ATCAY: variants seen among roughly 807,000 people sequenced by gnomAD.
ATCAY encodes ATCAY kinesin light chain interacting caytaxin.
ATCAY carries 22 observed loss-of-function variants against 47.7 expected under a neutral mutation model. The ratio of observed to expected loss-of-function variants is 0.46; its 90% CI spans 0.33 to 0.66. The LOEUF is 0.66. Ranked by LOEUF, ATCAY falls within the 30% of genes least tolerant of loss-of-function variation. The pLI is 0.02. For synonymous variants in ATCAY, 216 were observed against 207.6 expected, an observed-to-expected ratio of 1.04 and a Z score of -0.35; for missense variants, 452 against 515.0, an observed-to-expected ratio of 0.88 and a Z score of 1.18.
At chr19:3,902,436 C>T in intron 2 of ATCAY, 51 bp from the exon 3 acceptor site, 1 of 1,540,690 alleles carries the variant, frequency 6.5e-7, no homozygotes, top group Non-Finnish European at 8.8e-7. Flanking sequence ...TGTCCTCTGC[C>T]TGAATCTCTG....
At chr19:3,911,131 C>G (rs1201465633) in intron 8 of ATCAY, among the ~76,000 whole-genome samples, 2 of 152,184 alleles carry the variant, frequency 1.3e-5, no homozygotes, top group Non-Finnish European at 2.9e-5. Flanking sequence ...GTAATCCCAG[C>G]TACTCAGAAG....
rs117870665 is a variant in ATCAY, at chr19:3,923,650, T to C, written c.1107-933T>C. On this transcript the variant is annotated intron_variant, in intron 12 of 12. Transcript: ENST00000450849. ...GTGGAGGGATGGAAAGATGGACTGA[T>C]GGAGAGATGGATGGGTAGGCATATG... Among the ~76,000 whole-genome samples, 425 of 150,082 alleles carry C rather than the reference T, an allele frequency of 2.8e-3. 6 individuals are homozygous for C. In the East Asian group the frequency reaches 0.039, roughly 14 times the overall value.
chr19:3,925,387 T>TC lies in ATCAY; in HGVS notation c.*800dup, dbSNP rs1241966174. On this transcript the variant is annotated 3_prime_UTR_variant, in exon 13 of 13. Coordinates refer to ENST00000450849, the MANE Select transcript of ATCAY (RefSeq NM_033064.5). The surrounding 1 kb of genome is among the most constrained non-coding windows in gnomAD (Gnocchi z 4.4). ...GAATGAGATATGTGGACCTCACTGC[T>TC]CCCCCAACCCAGCGTCAGGCTGGGA... The TC allele has an allele frequency of 6.6e-6, 1 of 152,020 alleles. No individual in the cohort carries two copies. Among genetic ancestry groups the TC allele is most frequent in the African/African-American group, 2.4e-5 (1 of 41,382 alleles). The allele number at this position is 152,020 out of a possible 1,614,324, so 9.4% of individuals were successfully genotyped here.
rs549284827 is a variant in ATCAY, at chr19:3,905,293, G to A, written c.137-141G>A. ...TGTCGGTTTAATTCTGCCCACCCCCGCCAATGGCATGGATACAGAAGGGAG... is the reference window on the plus strand; with the variant it reads ...TGTCGGTTTAATTCTGCCCACCCCCACCAATGGCATGGATACAGAAGGGAG... On this transcript the variant is annotated intron_variant, in intron 3 of 12. Transcript: ENST00000450849. 2.5e-5 allele frequency: 19 copies of A among 775,406 alleles called. 1 individual carries two copies. Among genetic ancestry groups the A allele is most frequent in the Non-Finnish European group, 3.4e-5 (17 of 499,878 alleles). 48.0% of individuals were successfully genotyped at this position (775,406 alleles called of 1,614,324 possible).
intron 1 of ATCAY, among the ~76,000 whole-genome samples, chr19:3,882,738 G>A (rs2038613012): frequency 1.3e-5 from 2 of 151,798 alleles, no homozygotes; most frequent in South Asian, 4.2e-4. Flanking sequence ...CCACCTCCTG[G>A]GCTCAGGCAA....
chr19:3,889,329 C>T (rs1190707248), intron 2 of ATCAY, among the ~76,000 whole-genome samples: 1 of 152,182 alleles, frequency 6.6e-6, no homozygotes, highest in African/African-American at 2.4e-5. Context: ...AGGAGAATCG[C>T]TTGAACGCGG....
rs775351044 is a variant in ATCAY, at chr19:3,924,603, G to A, written c.*11G>A. 1 of 1,613,698 alleles carries A rather than the reference G, an allele frequency of 6.2e-7. No homozygotes were observed. Among genetic ancestry groups the A allele is most frequent in the Admixed American group, 1.7e-5 (1 of 59,952 alleles). ...CCTAGCATGTCCTGAGGCGACGTGA[G>A]CATAACAAAGGACATGGAAGAAGAT... is the stretch of plus-strand genomic sequence containing the variant. On this transcript the variant is annotated 3_prime_UTR_variant, in exon 13 of 13. Transcript: ENST00000450849.
In ATCAY at chr19:3,883,035, G is replaced by C. The variant is rs147313676; in HGVS notation, c.-42+2027G>C. Among the ~76,000 whole-genome samples, 535 of 151,852 alleles carry C rather than the reference G, an allele frequency of 3.5e-3. 3 individuals are homozygous for C. The highest frequency in any genetic ancestry group is 0.013 in the African/African-American group (524 of 41,432). On this transcript the variant is annotated intron_variant, in intron 1 of 12. Transcript: ENST00000450849. ...CCTGGTCTCAAGTGATCTGCCCAAA[G>C]TGCTGGAATTCCAGGCATGCACCAC... is the stretch of plus-strand genomic sequence containing the variant.
At chr19:3,903,858 G>T (rs2038836469) in intron 3 of ATCAY, among the ~76,000 whole-genome samples, 1 of 150,780 alleles carries the variant, frequency 6.6e-6, no homozygotes, top group African/African-American at 2.4e-5. Context: ...AAAAAAAAAG[G>T]CAGGTCACCG....
At chr19:3,896,455 C>T (rs945962476) in intron 2 of ATCAY, among the ~76,000 whole-genome samples, 3 of 151,406 alleles carry the variant, frequency 2.0e-5, no homozygotes, top group Non-Finnish European at 4.4e-5. Context: ...TTAGTAGAGA[C>T]GGGGTTTCAC....
chr19:3,895,716 C>CTTTTTTTTTTTTT (rs537910730), intron 2 of ATCAY, among the ~76,000 whole-genome samples: 1 of 129,668 alleles, frequency 7.7e-6, no homozygotes, highest in Non-Finnish European at 1.6e-5. Flanking sequence ...CTTTTCTTTT[C>CTTTTTTTTTTTTT]TTTTTTTTTT....
chr19:3,888,090 G>T (rs1300691538), intron 2 of ATCAY, among the ~76,000 whole-genome samples: 3 of 149,986 alleles, frequency 2.0e-5, no homozygotes, highest in Non-Finnish European at 4.4e-5. Context: ...CTCCAGCCCG[G>T]GTGACAGTGT....
chr19:3,913,681 A>G (rs1213356899), intron 8 of ATCAY, 77 bp from the exon 9 acceptor site: 1 of 1,123,762 alleles, frequency 8.9e-7, no homozygotes, highest in East Asian at 2.5e-5. Context: ...CCCTGTCGCC[A>G]TGGCTCTGTC....
Position 3,909,913 on chromosome 19 carries a change from C to A in ATCAY, c.779+296C>A, listed in dbSNP as rs112908378. 6.4e-3 allele frequency among the ~76,000 whole-genome samples: 971 copies of A among 152,274 alleles called. 14 individuals carry two copies. Among genetic ancestry groups the A allele is most frequent in the African/African-American group, 0.022 (931 of 41,532 alleles). On this transcript the variant is annotated intron_variant, in intron 7 of 12. Transcript: ENST00000450849. ...CAGCCCGGCCAACATATAGTGAAACCCCATCTCTACTAAAAAAATTCAAAA... is the reference window on the plus strand; with the variant it reads ...CAGCCCGGCCAACATATAGTGAAACACCATCTCTACTAAAAAAATTCAAAA...
At chr19:3,916,833 A>C (rs2038970544) in intron 9 of ATCAY, among the ~76,000 whole-genome samples, 2 of 149,556 alleles carry the variant, frequency 1.3e-5, no homozygotes, top group Non-Finnish European at 3.0e-5. Flanking sequence ...TTTTAGACAG[A>C]GTCTCACTCT....
chr19:3,887,993 T>C (rs560673311), intron 2 of ATCAY, among the ~76,000 whole-genome samples: 11 of 151,650 alleles, frequency 7.3e-5, no homozygotes, highest in Middle Eastern at 3.4e-3. Flanking sequence ...TGCACGCCTG[T>C]AATCCCCAGT....
At chr19:3,902,867 T>A (rs2038827450) in intron 3 of ATCAY, among the ~76,000 whole-genome samples, 1 of 152,182 alleles carries the variant, frequency 6.6e-6, no homozygotes, top group Non-Finnish European at 1.5e-5. Context: ...TGATGCCAAA[T>A]GCCCTGGAGG....
At chr19:3,882,124 G>C (rs1187227917) in intron 1 of ATCAY, among the ~76,000 whole-genome samples, 2 of 152,096 alleles carry the variant, frequency 1.3e-5, no homozygotes, top group Non-Finnish European at 2.9e-5. Flanking sequence ...ATGCTGGGGG[G>C]CTGCAGGTAA....
Position 3,907,435 on chromosome 19 carries a change from C to T in ATCAY, c.359-299C>T, listed in dbSNP as rs1279439143. Among the ~76,000 whole-genome samples, 2 of 152,106 alleles carry T rather than the reference C, an allele frequency of 1.3e-5. No individual in the cohort carries two copies. Among genetic ancestry groups the T allele is most frequent in the Admixed American group, 1.3e-4 (2 of 15,256 alleles). On this transcript the variant is annotated intron_variant, in intron 4 of 12. Coordinates refer to ENST00000450849, the MANE Select transcript of ATCAY (RefSeq NM_033064.5). This position sits in a 1 kb window ranked among gnomAD's most constrained non-coding sequence, Gnocchi z 5.1. Reference sequence around the variant, plus strand: ...CGAGTATCCTCGTGGTTTGATGAAGCAGATGCATTCACCAGCTCTGAGAAG... The same window carrying T: ...CGAGTATCCTCGTGGTTTGATGAAGTAGATGCATTCACCAGCTCTGAGAAG...
Sources: allele counts gnomAD v4.1 joint callset (sites outside exome capture counted in the v4.1 genomes callset), GRCh38; gene constraint gnomAD v4.1.1; non-coding constraint Gnocchi (gnomAD v3.1); transcripts MANE v1.5; gene names NCBI Gene and HGNC (gene_info 2026-07-23, HGNC 2026-07-21).